The following ABCC4 variants were observed in gnomAD, a reference collection of about 807,000 sequenced individuals.
ABCC4 encodes ATP binding cassette subfamily C member 4 (PEL blood group).
A neutral mutation model predicts 168.5 loss-of-function variants in ABCC4; 102 were observed. That is an observed-to-expected ratio of 0.61 (90% confidence interval 0.52 to 0.71). The LOEUF (loss-of-function observed/expected upper bound fraction) is 0.71, where lower values mean the gene tolerates loss of function less well. ABCC4 is among the 30% of genes least tolerant of loss of function. ABCC4 has a pLI of 0.00. For synonymous variants in ABCC4, 617 were observed against 590.7 expected (o/e 1.04, Z -0.65); for missense variants, 1,402 against 1,605.8 (o/e 0.87, Z 2.17).
chr13:95,057,445 G>A (rs773306940), intron 26 of ABCC4, among the ~76,000 whole-genome samples: 7 of 152,074 alleles, frequency 4.6e-5, no homozygotes, highest in Non-Finnish European at 5.9e-5. Flanking sequence ...TTACCATGTT[G>A]GCCATAATGG....
chr13:95,159,410 T>C lies in ABCC4; in HGVS notation c.2455+1779A>G, dbSNP rs114383928. 5.6e-3 allele frequency among the ~76,000 whole-genome samples: 851 copies of C among 151,946 alleles called. 5 individuals are homozygous for C. Among genetic ancestry groups the C allele is most frequent in the African/African-American group, 0.019 (795 of 41,464 alleles). The stretch of plus-strand genomic sequence containing the variant: ...AGGAATAAAGTCATGCTAATAGATA[T>C]AGGAGGAGGAAGCAAGATAAACACT... On this transcript the variant is annotated intron_variant, in intron 19 of 30. Coordinates refer to ENST00000645237, the MANE Select transcript of ABCC4 (RefSeq NM_005845.5).
intron 1 of ABCC4, among the ~76,000 whole-genome samples, chr13:95,280,542 G>A (rs968048936): frequency 6.9e-6 from 1 of 144,140 alleles, no homozygotes. Context: ...TCAGTCACTA[G>A]TAGCTGCCAT....
intron 4 of ABCC4, among the ~76,000 whole-genome samples, chr13:95,233,007 T>C (rs2039666346): frequency 6.6e-6 from 1 of 152,098 alleles, no homozygotes; most frequent in Non-Finnish European, 1.5e-5. Flanking sequence ...CAACCTGGGG[T>C]TGAAAATATT....
intron 3 of ABCC4, among the ~76,000 whole-genome samples, chr13:95,244,651 A>AAG (rs2040053962): frequency 1.1e-5 from 1 of 90,134 alleles, no homozygotes. Context: ...GAAAGAAAGA[A>AAG]AGAAAGAAAG....
intron 4 of ABCC4, among the ~76,000 whole-genome samples, chr13:95,212,465 C>T (rs1414451474): frequency 6.6e-6 from 1 of 152,150 alleles, no homozygotes; most frequent in East Asian, 1.9e-4. Flanking sequence ...AAAATGTCAA[C>T]ACCAAACTCT....
At chr13:95,127,399 C>T (rs1353803896) in intron 19 of ABCC4, among the ~76,000 whole-genome samples, 1 of 152,154 alleles carries the variant, frequency 6.6e-6, no homozygotes, top group Non-Finnish European at 1.5e-5. Context: ...GATTCTCCTG[C>T]CTCAGCCTCT....
intron 1 of ABCC4, among the ~76,000 whole-genome samples, chr13:95,267,260 T>C (rs907882079): frequency 2.0e-5 from 3 of 151,820 alleles, no homozygotes; most frequent in African/African-American, 7.3e-5. Flanking sequence ...AACTGAATCA[T>C]GGAGGCAGTT....
chr13:95,187,840 T>C (rs1466406283), intron 10 of ABCC4, among the ~76,000 whole-genome samples: 1 of 152,178 alleles, frequency 6.6e-6, no homozygotes, highest in Non-Finnish European at 1.5e-5. Flanking sequence ...TCTTCTACAA[T>C]GCACAGACAT....
intron 23 of ABCC4, 79 bp downstream of exon 23, chr13:95,074,135 G>A (rs988231734): frequency 3.6e-6 from 4 of 1,095,932 alleles, no homozygotes; most frequent in African/African-American, 1.6e-5. Context: ...TAGTAGACAA[G>A]GTGGCAAGAG....
intron 3 of ABCC4, among the ~76,000 whole-genome samples, chr13:95,235,590 G>C (rs1043588090): frequency 6.6e-6 from 1 of 152,154 alleles, no homozygotes; most frequent in African/African-American, 2.4e-5. Context: ...ACAGTTAAGA[G>C]CCTTTGTGAA....
intron 1 of ABCC4, among the ~76,000 whole-genome samples, chr13:95,300,327 A>AC (rs1057386668): frequency 6.6e-6 from 1 of 151,954 alleles, no homozygotes; most frequent in South Asian, 2.1e-4. Context: ...GATTCCAGGG[A>AC]CCCCACCTCC....
At chr13:95,185,555 T>C (rs1443439819) in intron 11 of ABCC4, among the ~76,000 whole-genome samples, 2 of 152,246 alleles carry the variant, frequency 1.3e-5, no homozygotes, top group African/African-American at 4.8e-5. Flanking sequence ...GCTGGAAGCC[T>C]TCTGCATCAC....
At chr13:95,095,339 T>C (rs984294759) in intron 20 of ABCC4, among the ~76,000 whole-genome samples, 4 of 151,070 alleles carry the variant, frequency 2.6e-5, no homozygotes, top group African/African-American at 9.8e-5. Flanking sequence ...TCTATCTATC[T>C]GATGGAATAC....
At chr13:95,288,806 T>C (rs2041323002) in intron 1 of ABCC4, among the ~76,000 whole-genome samples, 1 of 152,096 alleles carries the variant, frequency 6.6e-6, no homozygotes, top group South Asian at 2.1e-4. Context: ...GCAAGAACCC[T>C]CATCATCCCA....
At chr13:95,203,342 T>TA (rs1369697793) in intron 8 of ABCC4, among the ~76,000 whole-genome samples, 2 of 150,866 alleles carry the variant, frequency 1.3e-5, no homozygotes, top group Admixed American at 6.6e-5. Context: ...GGCTCTTTTT[T>TA]TTTTTTTTTT....
chr13:95,153,325 A>G (rs2036751151), intron 19 of ABCC4, among the ~76,000 whole-genome samples: 1 of 152,190 alleles, frequency 6.6e-6, no homozygotes, highest in East Asian at 1.9e-4. Context: ...ATATGCTACA[A>G]AGCCCTGAGT....
chr13:95,265,128 C>A (rs2040635723), intron 1 of ABCC4, among the ~76,000 whole-genome samples: 1 of 152,098 alleles, frequency 6.6e-6, no homozygotes, highest in African/African-American at 2.4e-5. Context: ...CTCAGCCTCC[C>A]AAAGTGCTAA....
intron 19 of ABCC4, among the ~76,000 whole-genome samples, chr13:95,123,700 T>C (rs1389950903): frequency 6.6e-6 from 1 of 152,126 alleles, no homozygotes; most frequent in Non-Finnish European, 1.5e-5. Flanking sequence ...AGCAGGTTAA[T>C]AGATACATGT....
At chr13:95,187,399 G>A (rs2038102391) in intron 10 of ABCC4, among the ~76,000 whole-genome samples, 1 of 152,060 alleles carries the variant, frequency 6.6e-6, no homozygotes, top group Non-Finnish European at 1.5e-5. Flanking sequence ...GAGGCCAGGA[G>A]TTCGAGACCA....
Sources: allele counts gnomAD v4.1 joint callset (sites outside exome capture counted in the v4.1 genomes callset), GRCh38; gene constraint gnomAD v4.1.1; transcripts MANE v1.5; gene names NCBI Gene and HGNC (gene_info 2026-07-23, HGNC 2026-07-21).